Variants in CDH13 observed in about 807,000 individuals in gnomAD.
CDH13 encodes the protein cadherin-13.
CDH13 carries 24 observed loss-of-function variants against 63.8 expected under a neutral mutation model. The observed-to-expected ratio is 0.38, with a 90% CI of 0.27 to 0.53. CDH13 has a LOEUF of 0.53. Ranked by LOEUF, CDH13 falls within the 20% of genes least tolerant of loss-of-function variation. CDH13 has a pLI of 0.85. For synonymous variants in CDH13, 503 were observed against 355.3 expected (o/e 1.42, Z -4.67); for missense variants, 1,049 against 903.1 (o/e 1.16, Z -2.07).
At chr16:83,540,021 T>C (rs1365072321) in intron 7 of CDH13, among the ~76,000 whole-genome samples, 1 of 152,156 alleles carries the variant, frequency 6.6e-6, no homozygotes, top group Non-Finnish European at 1.5e-5. Context: ...TGGTTTGTCC[T>C]GGACAAGACT....
At chr16:83,178,422 T>A (rs2038216682) in intron 4 of CDH13, among the ~76,000 whole-genome samples, 1 of 152,314 alleles carries the variant, frequency 6.6e-6, no homozygotes, top group Non-Finnish European at 1.5e-5. Flanking sequence ...AGTCTAAGAT[T>A]CTTCTTGGGA....
At chr16:82,849,174 A>G (rs1215439923) in intron 1 of CDH13, among the ~76,000 whole-genome samples, 1 of 152,194 alleles carries the variant, frequency 6.6e-6, no homozygotes, top group African/African-American at 2.4e-5. Context: ...TTAGTGTGTG[A>G]CATTTAAGTA....
Position 83,665,975 on chromosome 16 carries a change from C to A in CDH13, c.1102-4815C>A, listed in dbSNP as rs547809501. On this transcript the variant is annotated intron_variant, in intron 8 of 13. Coordinates refer to ENST00000567109, the MANE Select transcript of CDH13 (RefSeq NM_001257.5). ...GTCAAAGAAAAGAAAATAATCAGTC[C>A]TGAATTTGGAGGGAAGAGATCATAA... Among the ~76,000 whole-genome samples, 4 of 152,286 alleles carry A rather than the reference C, an allele frequency of 2.6e-5. No homozygotes were observed. In the East Asian group the frequency reaches 7.7e-4, roughly 29 times the overall value.
At chr16:83,152,118 A>G (rs2037008520) in intron 4 of CDH13, among the ~76,000 whole-genome samples, 1 of 152,230 alleles carries the variant, frequency 6.6e-6, no homozygotes, top group African/African-American at 2.4e-5. Flanking sequence ...TCTCTGTTGC[A>G]TGAGAAATAC....
chr16:83,536,775 A>T (rs2075200089), intron 7 of CDH13, among the ~76,000 whole-genome samples: 1 of 152,116 alleles, frequency 6.6e-6, no homozygotes, highest in African/African-American at 2.4e-5. Flanking sequence ...GGTGGTAGAG[A>T]TGGGGAGAAG....
intron 1 of CDH13, among the ~76,000 whole-genome samples, chr16:82,827,524 G>A (rs996564008): frequency 6.6e-6 from 1 of 152,136 alleles, no homozygotes; most frequent in Non-Finnish European, 1.5e-5. Flanking sequence ...GTGCATAGAA[G>A]AGTAGGTCCC....
At chr16:83,206,029 G>A (rs772176999) in intron 4 of CDH13, among the ~76,000 whole-genome samples, 1 of 152,148 alleles carries the variant, frequency 6.6e-6, no homozygotes, top group African/African-American at 2.4e-5. Flanking sequence ...ACAGCCTTGT[G>A]CTGGTTACAT....
intron 10 of CDH13, among the ~76,000 whole-genome samples, chr16:83,706,910 G>A (rs973969780): frequency 8.9e-6 from 1 of 112,490 alleles, no homozygotes; most frequent in African/African-American, 3.7e-5. Flanking sequence ...AGTCCTGGGT[G>A]GCCTGTCTTG....
intron 1 of CDH13, among the ~76,000 whole-genome samples, chr16:82,679,161 T>A (rs3893936): frequency 0.16 from 24,901 of 152,186 alleles, 2,477 homozygotes; most frequent in East Asian, 0.41. Context: ...TGCAAGCATG[T>A]GTCATCCTGC....
chr16:83,252,137 T>TAC (rs747000950), intron 5 of CDH13, among the ~76,000 whole-genome samples: 375 of 28,806 alleles, frequency 0.013, no homozygotes, highest in Non-Finnish European at 0.026. Context: ...CACATATATA[T>TAC]GTATATATAT....
chr16:83,301,300 G>A (rs999021915), intron 5 of CDH13, among the ~76,000 whole-genome samples: 3 of 151,988 alleles, frequency 2.0e-5, no homozygotes, highest in South Asian at 2.1e-4. Flanking sequence ...CAAAGTGCAG[G>A]GATTACAGGC....
intron 5 of CDH13, among the ~76,000 whole-genome samples, chr16:83,316,343 C>T (rs780614052): frequency 1.3e-5 from 2 of 152,170 alleles, no homozygotes; most frequent in African/African-American, 2.4e-5. Context: ...GTAATTGATA[C>T]ACTGGCCTAG....
chr16:83,312,586 A>G (rs1455435017), intron 5 of CDH13, among the ~76,000 whole-genome samples: 17 of 152,256 alleles, frequency 1.1e-4, no homozygotes, highest in Admixed American at 5.2e-4. Context: ...GGTTTGGAGG[A>G]AACAACACTG....
chr16:83,128,182 G>T (rs1487847293), intron 4 of CDH13, among the ~76,000 whole-genome samples: 6 of 152,214 alleles, frequency 3.9e-5, no homozygotes, highest in African/African-American at 1.4e-4. Flanking sequence ...TGATTCCACT[G>T]GGGTGGGGGT....
chr16:83,465,318 A>G (rs1158445634), intron 6 of CDH13, among the ~76,000 whole-genome samples: 2 of 152,240 alleles, frequency 1.3e-5, no homozygotes, highest in African/African-American at 4.8e-5. Context: ...GTGAGCTTCT[A>G]GAATTACAAG....
intron 1 of CDH13, among the ~76,000 whole-genome samples, chr16:82,852,052 G>A (rs2039512871): frequency 6.6e-6 from 1 of 152,196 alleles, no homozygotes; most frequent in African/African-American, 2.4e-5. Context: ...TGTTGGTTTG[G>A]AAAATACCTT....
chr16:83,220,860 A>G (rs111320598), intron 5 of CDH13, among the ~76,000 whole-genome samples: 2 of 152,224 alleles, frequency 1.3e-5, no homozygotes, highest in African/African-American at 4.8e-5. Flanking sequence ...AATCTGGAAT[A>G]CATTTGTCCT....
intron 2 of CDH13, among the ~76,000 whole-genome samples, chr16:82,989,891 C>G (rs1911440059): frequency 6.6e-6 from 1 of 152,136 alleles, no homozygotes; most frequent in Admixed American, 6.5e-5. Context: ...GAAATTCTCT[C>G]TAGCCCCACG....
chr16:83,525,017 G>A (rs973276510), intron 7 of CDH13, among the ~76,000 whole-genome samples: 2 of 152,134 alleles, frequency 1.3e-5, no homozygotes, highest in Non-Finnish European at 2.9e-5. Flanking sequence ...TTTCGGGGAC[G>A]CTGATTCTTT....
Sources: allele counts gnomAD v4.1 joint callset (sites outside exome capture counted in the v4.1 genomes callset), GRCh38; gene constraint gnomAD v4.1.1; transcripts MANE v1.5; gene names NCBI Gene and HGNC (gene_info 2026-07-23, HGNC 2026-07-21).